Variants in GRM7 observed in about 807,000 individuals in gnomAD.
GRM7 encodes glutamate metabotropic receptor 7, also known as metabotropic glutamate receptor 7.
A neutral mutation model predicts 84.5 loss-of-function variants in GRM7; 35 were observed. The ratio of observed to expected loss-of-function variants is 0.41; its 90% confidence interval spans 0.32 to 0.55. The LOEUF (loss-of-function observed/expected upper bound fraction) is 0.55, where lower values mean the gene tolerates loss of function less well. Among genes scored for constraint, GRM7 ranks in the 20% least tolerant of loss-of-function variants. The pLI, the probability that GRM7 is intolerant of heterozygous loss-of-function variation, is 0.19. For synonymous variants in GRM7, 487 were observed against 455.1 expected, an observed-to-expected ratio of 1.07 and a Z score of -0.89; for missense variants, 1,003 against 1,194.6, an observed-to-expected ratio of 0.84 and a Z score of 2.36.
intron 7 of GRM7, among the ~76,000 whole-genome samples, chr3:7,551,281 A>G (rs1182797805): frequency 6.6e-6 from 1 of 152,198 alleles, no homozygotes; most frequent in Non-Finnish European, 1.5e-5. Context: ...GACCCCTTAT[A>G]AAATAATGAG....
chr3:7,186,092 A>G (rs1404542187), intron 2 of GRM7, among the ~76,000 whole-genome samples: 4 of 152,210 alleles, frequency 2.6e-5, no homozygotes, highest in African/African-American at 9.6e-5. Context: ...TTCCGTCATC[A>G]GCAGACAAAG....
chr3:7,386,375 G>T (rs1694786688), intron 4 of GRM7, among the ~76,000 whole-genome samples: 1 of 152,124 alleles, frequency 6.6e-6, no homozygotes. Flanking sequence ...TGTCGCCAAA[G>T]TAGCATGCAT....
intron 8 of GRM7, among the ~76,000 whole-genome samples, chr3:7,594,084 G>A (rs1328186854): frequency 6.6e-6 from 1 of 152,114 alleles, no homozygotes; most frequent in Non-Finnish European, 1.5e-5. Context: ...CTTACAGGTG[G>A]TGTCCTAAGG....
intron 1 of GRM7, among the ~76,000 whole-genome samples, chr3:7,071,482 C>A (rs1187559294): frequency 1.3e-5 from 2 of 151,984 alleles, no homozygotes; most frequent in African/African-American, 4.8e-5. Context: ...TACCCAGCTT[C>A]CTTCATGTTT....
chr3:7,122,468 A>T (rs1054539549), intron 1 of GRM7, among the ~76,000 whole-genome samples: 1 of 152,206 alleles, frequency 6.6e-6, no homozygotes, highest in Non-Finnish European at 1.5e-5. Context: ...AATGACTACT[A>T]AAACAAATAT....
At chr3:6,905,238 T>C (rs1340997559) in intron 1 of GRM7, among the ~76,000 whole-genome samples, 1 of 152,232 alleles carries the variant, frequency 6.6e-6, no homozygotes. Flanking sequence ...GTCTCATCCT[T>C]AACTAGTGTG....
chr3:7,581,697 AATTAT>A (rs886634698), intron 8 of GRM7, among the ~76,000 whole-genome samples: 43 of 152,296 alleles, frequency 2.8e-4, no homozygotes, highest in African/African-American at 8.7e-4. Flanking sequence ...TAAATCAAAG[AATTAT>A]ATTATAACAG....
At chr3:7,340,611 CT>C in intron 4 of GRM7, among the ~76,000 whole-genome samples, 1 of 152,144 alleles carries the variant, frequency 6.6e-6, no homozygotes, top group Non-Finnish European at 1.5e-5. Context: ...CATATCACAT[CT>C]ATTACTGGGT....
At chr3:7,558,248 G>C (rs1355646128) in intron 7 of GRM7, among the ~76,000 whole-genome samples, 2 of 152,044 alleles carry the variant, frequency 1.3e-5, no homozygotes, top group Non-Finnish European at 2.9e-5. Flanking sequence ...CTTACCTTAT[G>C]TAGTTTTTAA....
intron 1 of GRM7, among the ~76,000 whole-genome samples, chr3:7,075,837 T>C (rs540959220): frequency 1.3e-5 from 2 of 152,222 alleles, no homozygotes; most frequent in South Asian, 4.1e-4. Flanking sequence ...GATGTACATA[T>C]ATTTGTCATA....
chr3:7,052,976 T>C (rs1697063868), intron 1 of GRM7, among the ~76,000 whole-genome samples: 1 of 151,388 alleles, frequency 6.6e-6, no homozygotes, highest in Admixed American at 6.6e-5. Context: ...CTCAACTCTT[T>C]TCCAAAGTGG....
intron 7 of GRM7, among the ~76,000 whole-genome samples, chr3:7,515,994 T>A (rs1387445782): frequency 6.6e-6 from 1 of 150,732 alleles, no homozygotes; most frequent in Non-Finnish European, 1.5e-5. Flanking sequence ...AATAAATAAA[T>A]AAGAATAGTA....
intron 4 of GRM7, among the ~76,000 whole-genome samples, chr3:7,338,936 GA>G (rs59730500): frequency 0.014 from 1,862 of 133,564 alleles, 46 homozygotes; most frequent in African/African-American, 0.043. Flanking sequence ...CCAGGCTGGG[GA>G]AAAAAAAAAA....
At chr3:7,582,892 A>C (rs1224659747) in intron 8 of GRM7, among the ~76,000 whole-genome samples, 1 of 152,128 alleles carries the variant, frequency 6.6e-6, no homozygotes, top group Admixed American at 6.5e-5. Flanking sequence ...GCATAGAACT[A>C]TTCACTTTTC....
At chr3:7,419,636 T>C (rs17047311) in intron 5 of GRM7, among the ~76,000 whole-genome samples, 6,207 of 152,256 alleles carry the variant, frequency 0.041, 422 homozygotes, top group African/African-American at 0.14. Flanking sequence ...TTATGGCTTA[T>C]CAGTCATAAC....
chr3:6,936,086 A>G (rs1697682848), intron 1 of GRM7, among the ~76,000 whole-genome samples: 1 of 152,110 alleles, frequency 6.6e-6, no homozygotes, highest in Middle Eastern at 3.2e-3. Context: ...AAGCTCGGTG[A>G]CTTTCCCAGC....
chr3:7,686,237 T>C (rs1700578761), intron 9 of GRM7: 2 of 535,920 alleles, frequency 3.7e-6, no homozygotes, highest in Non-Finnish European at 6.8e-6. Context: ...ACCAAAAGAG[T>C]GGGCATGATG....
intron 1 of GRM7, among the ~76,000 whole-genome samples, chr3:7,100,470 A>C (rs1391957027): frequency 1.3e-5 from 2 of 151,810 alleles, no homozygotes; most frequent in African/African-American, 2.4e-5. Flanking sequence ...AAAATTGGAT[A>C]GTTTTTCATA....
At chr3:7,285,534 T>C (rs1394441635) in intron 2 of GRM7, among the ~76,000 whole-genome samples, 1 of 151,968 alleles carries the variant, frequency 6.6e-6, no homozygotes, top group African/African-American at 2.4e-5. Flanking sequence ...TTATAAGGGG[T>C]GGTTGTCCAA....
Sources: gnomAD v4.1 joint callset for allele counts (sites outside exome capture counted in the v4.1 genomes callset) on GRCh38, gnomAD v4.1.1 for gene constraint, MANE v1.5 for transcripts, NCBI Gene and HGNC (gene_info 2026-07-23, HGNC 2026-07-21) for gene names.